The following SPOCK1 variants were observed in gnomAD, a reference collection of about 807,000 sequenced individuals.
The protein encoded by SPOCK1 is testican-1.
In SPOCK1, 23 loss-of-function variants were observed where a neutral mutation model predicts 55.3. The ratio of observed to expected loss-of-function variants is 0.42; its 90% CI spans 0.30 to 0.59. The LOEUF (loss-of-function observed/expected upper bound fraction) is 0.59, where lower values mean the gene tolerates loss of function less well. Among genes scored for constraint, SPOCK1 ranks in the 20% least tolerant of loss-of-function variants. The pLI, the probability that SPOCK1 is intolerant of heterozygous loss-of-function variation, is 0.22. For missense variants in SPOCK1, 499 were observed against 552.5 expected (o/e 0.90, Z 0.97); for synonymous variants, 226 against 221.0 (o/e 1.02, Z -0.20).
intron 2 of SPOCK1, among the ~76,000 whole-genome samples, chr5:137,283,718 A>C (rs952253534): frequency 5.3e-5 from 8 of 151,858 alleles, no homozygotes; most frequent in Admixed American, 5.2e-4. Context: ...CTATCTCAAA[A>C]ACAAGATGAA....
chr5:137,053,392 AT>A (rs1752243005), intron 6 of SPOCK1, among the ~76,000 whole-genome samples: 1 of 152,050 alleles, frequency 6.6e-6, no homozygotes, highest in African/African-American at 2.4e-5. Flanking sequence ...CCTCCCCTAG[AT>A]ACCAAGTTGC....
chr5:137,251,259 A>G (rs1580829762), intron 3 of SPOCK1, among the ~76,000 whole-genome samples: 2 of 152,286 alleles, frequency 1.3e-5, no homozygotes, highest in South Asian at 2.1e-4. Flanking sequence ...CACACCTCCT[A>G]TTCCTCAAAG....
intron 5 of SPOCK1, among the ~76,000 whole-genome samples, chr5:137,093,233 CT>C (rs1753079991): frequency 6.6e-6 from 1 of 152,134 alleles, no homozygotes; most frequent in South Asian, 2.1e-4. Context: ...ATCCTGTGCT[CT>C]CTTTGTCTCC....
chr5:137,481,014 A>T (rs562095379), intron 2 of SPOCK1, among the ~76,000 whole-genome samples: 2 of 152,316 alleles, frequency 1.3e-5, no homozygotes, highest in South Asian at 4.1e-4. Flanking sequence ...CTTCTCACGA[A>T]TTCCTTTGGC....
chr5:137,193,159 A>G (rs1477057259), intron 3 of SPOCK1, among the ~76,000 whole-genome samples: 1 of 152,286 alleles, frequency 6.6e-6, no homozygotes, highest in South Asian at 2.1e-4. Flanking sequence ...GAAGTATACC[A>G]ATTAGGAGAC....
intron 3 of SPOCK1, among the ~76,000 whole-genome samples, chr5:137,207,497 G>A (rs1263199287): frequency 3.9e-5 from 6 of 152,220 alleles, no homozygotes; most frequent in African/African-American, 1.4e-4. Context: ...ACACTGCCCT[G>A]GGTTTCCATA....
At chr5:137,302,385 C>T (rs557860241) in intron 2 of SPOCK1, among the ~76,000 whole-genome samples, 47 of 144,770 alleles carry the variant, frequency 3.2e-4, no homozygotes, top group Admixed American at 1.2e-3. Flanking sequence ...CTGGCCAACA[C>T]AGTGAAACCC....
intron 2 of SPOCK1, among the ~76,000 whole-genome samples, chr5:137,419,348 G>A (rs1024077373): frequency 6.6e-6 from 1 of 152,100 alleles, no homozygotes; most frequent in African/African-American, 2.4e-5. Flanking sequence ...AAAGTCATTG[G>A]TAGCTTGATG....
chr5:137,476,734 G>A (rs1395638906), intron 2 of SPOCK1, among the ~76,000 whole-genome samples: 1 of 152,130 alleles, frequency 6.6e-6, no homozygotes, highest in African/African-American at 2.4e-5. Context: ...ACACCAGCCT[G>A]GCCAATATGG....
chr5:137,439,106 A>C (rs1160403199), intron 2 of SPOCK1, among the ~76,000 whole-genome samples: 2 of 152,166 alleles, frequency 1.3e-5, no homozygotes, highest in Non-Finnish European at 2.9e-5. Context: ...AATTCATAGG[A>C]TTAGTGTAGC....
intron 2 of SPOCK1, among the ~76,000 whole-genome samples, chr5:137,417,979 G>T (rs1479909082): frequency 2.0e-5 from 3 of 151,798 alleles, no homozygotes; most frequent in Non-Finnish European, 4.4e-5. Context: ...AACAGGCCCT[G>T]GTGTGTGATG....
At chr5:137,374,081 T>C (rs1751261278) in intron 2 of SPOCK1, among the ~76,000 whole-genome samples, 1 of 152,266 alleles carries the variant, frequency 6.6e-6, no homozygotes, top group Admixed American at 6.5e-5. Flanking sequence ...GAAGATTAAA[T>C]AACACATCTA....
intron 6 of SPOCK1, among the ~76,000 whole-genome samples, chr5:137,052,803 A>C (rs1242174660): frequency 6.6e-6 from 1 of 152,098 alleles, no homozygotes; most frequent in Non-Finnish European, 1.5e-5. Context: ...TCAGTTTGGG[A>C]GGCTGGGTAA....
chr5:137,046,694 A>G (rs1366480782), intron 6 of SPOCK1, among the ~76,000 whole-genome samples: 1 of 38,648 alleles, frequency 2.6e-5, no homozygotes, highest in African/African-American at 8.1e-5. Context: ...GAGTGGTGAG[A>G]GAGGGCATCC....
chr5:137,283,358 T>C (rs1190652220), intron 2 of SPOCK1, among the ~76,000 whole-genome samples: 4 of 152,186 alleles, frequency 2.6e-5, no homozygotes, highest in Admixed American at 6.5e-5. Context: ...GGTGTCTGCC[T>C]CCTGAATTTA....
chr5:137,427,502 G>A (rs555042350), intron 2 of SPOCK1, among the ~76,000 whole-genome samples: 2 of 152,302 alleles, frequency 1.3e-5, no homozygotes, highest in South Asian at 4.2e-4. Context: ...TCACAAAGGT[G>A]CATCCAGAAT....
chr5:137,117,434 G>A (rs927986747), intron 4 of SPOCK1, among the ~76,000 whole-genome samples: 2 of 152,182 alleles, frequency 1.3e-5, no homozygotes, highest in Non-Finnish European at 1.5e-5. Context: ...TCACTACAAT[G>A]TGAAAGTTCT....
chr5:137,000,149 G>C (rs542826254), intron 6 of SPOCK1, among the ~76,000 whole-genome samples: 1 of 152,132 alleles, frequency 6.6e-6, no homozygotes, highest in African/African-American at 2.4e-5. Flanking sequence ...GAGCAAGCTC[G>C]GAGGCCTCTC....
chr5:137,101,844 C>G (rs1753271178), intron 5 of SPOCK1, among the ~76,000 whole-genome samples: 1 of 152,190 alleles, frequency 6.6e-6, no homozygotes, highest in Non-Finnish European at 1.5e-5. Flanking sequence ...AGTATTAAAG[C>G]ATTAAGCCAA....
Sources: gnomAD v4.1 joint callset for allele counts (sites outside exome capture counted in the v4.1 genomes callset) on GRCh38, gnomAD v4.1.1 for gene constraint, MANE v1.5 for transcripts, NCBI Gene and HGNC (gene_info 2026-07-23, HGNC 2026-07-21) for gene names.